DOCK3: variants seen among roughly 807,000 people sequenced by gnomAD.
DOCK3 encodes dedicator of cytokinesis protein 3.
A neutral mutation model predicts 265.6 loss-of-function variants in DOCK3; 60 were observed. That is an observed-to-expected ratio of 0.23 (90% confidence interval 0.18 to 0.28). The LOEUF is 0.28. Ranked by LOEUF, DOCK3 falls within the 10% of genes least tolerant of loss-of-function variation. The pLI, the probability that DOCK3 is intolerant of heterozygous loss-of-function variation, is 1.00. For synonymous variants in DOCK3, 881 were observed against 938.0 expected (o/e 0.94, Z 1.11); for missense variants, 1,981 against 2,594.3 (o/e 0.76, Z 5.14).
intron 1 of DOCK3, among the ~76,000 whole-genome samples, chr3:50,706,190 A>G (rs975118025): frequency 1.2e-4 from 19 of 152,134 alleles, no homozygotes; most frequent in African/African-American, 4.1e-4. Context: ...CCTTTCCTTT[A>G]TAAACTACCC....
Position 51,227,372 on chromosome 3 carries a change from A to G in DOCK3, c.1467A>G (p.Glu489=), listed in dbSNP as rs1560242166. ...ACAGTAATAGTCCTCGCTGGGGAGA[A>G]ATTATCAAATTGCCTATCCCCATTG... ...LYHSNSPRWG[E]IIKLPIPIDR... Residue 489 remains glutamate (E), a synonymous_variant, in exon 16 of 53, where the codon GAA becomes GAG. Coordinates refer to ENST00000266037, the MANE Select transcript of DOCK3 (RefSeq NM_004947.5). The G allele has an allele frequency of 6.2e-7, 1 of 1,613,920 alleles. No individual in the cohort carries two copies. Among genetic ancestry groups the G allele is most frequent in the Admixed American group, 1.7e-5 (1 of 60,016 alleles).
At chr3:50,921,480 G>A (rs1433037288) in intron 4 of DOCK3, among the ~76,000 whole-genome samples, 1 of 152,096 alleles carries the variant, frequency 6.6e-6, no homozygotes, top group Non-Finnish European at 1.5e-5. Context: ...TAGCTTCTTT[G>A]CGATGCGTTT....
At chr3:51,308,429 C>T (rs1657707871) in intron 27 of DOCK3, among the ~76,000 whole-genome samples, 1 of 151,568 alleles carries the variant, frequency 6.6e-6, no homozygotes, top group Non-Finnish European at 1.5e-5. Context: ...TCTTAACGAG[C>T]ATGCTGCCTT....
intron 22 of DOCK3, among the ~76,000 whole-genome samples, chr3:51,259,016 T>G (rs2079705618): frequency 6.6e-6 from 1 of 152,196 alleles, no homozygotes; most frequent in Non-Finnish European, 1.5e-5. Flanking sequence ...GAGTCCAGCC[T>G]GCAAGTGTCT....
At chr3:51,149,137 CTCTG>C (rs1193836688) in intron 10 of DOCK3, among the ~76,000 whole-genome samples, 7 of 151,954 alleles carry the variant, frequency 4.6e-5, no homozygotes, top group African/African-American at 1.2e-4. Flanking sequence ...TGATTTGGCT[CTCTG>C]TCTGTTATTG....
chr3:51,340,378 G>A (rs1383345748), intron 37 of DOCK3, among the ~76,000 whole-genome samples: 5 of 152,218 alleles, frequency 3.3e-5, no homozygotes, highest in African/African-American at 9.7e-5. Context: ...ATGAGGAGGC[G>A]TGTACATTCC....
intron 7 of DOCK3, among the ~76,000 whole-genome samples, chr3:51,076,040 T>C (rs1387660628): frequency 2.6e-5 from 4 of 152,224 alleles, no homozygotes; most frequent in Admixed American, 2.0e-4. Context: ...TTGAAGAGTA[T>C]GTATTTGATG....
rs760304529 is a variant in DOCK3 at position 51,357,165 on chromosome 3, C to G, written c.4683+24C>G. 1.9e-6 allele frequency: 3 copies of G among 1,600,228 alleles called. No individual in the cohort carries two copies. The East Asian group carries it at 6.7e-5, about 36-fold the overall frequency. ...AGGTAAGCTGTGGCCACAGGCCAAA[C>G]CCATGCAGCCAGCCTGGCCAGGAAG... On this transcript the variant is annotated intron_variant, in intron 44 of 52. Transcript: ENST00000266037.
chr3:50,698,349 C>T lies in DOCK3; in HGVS notation c.37+23049C>T, dbSNP rs1025442001. ...ATCCATGTTTTAGCATATATCAATA[C>T]GTCATTCCTTTTTATGGCTGAATAA... On this transcript the variant is annotated intron_variant, in intron 1 of 52. Transcript: ENST00000266037. Among the ~76,000 whole-genome samples, 42 of 151,878 alleles carry T rather than the reference C, an allele frequency of 2.8e-4. 1 individual carries two copies. The highest frequency in any genetic ancestry group is 2.4e-3 in the Admixed American group (36 of 15,238).
intron 40 of DOCK3, among the ~76,000 whole-genome samples, chr3:51,354,573 A>T (rs1180113401): frequency 2.0e-5 from 3 of 152,066 alleles, no homozygotes; most frequent in Admixed American, 1.3e-4. Flanking sequence ...ACCTTTCAGG[A>T]CGTTTTTTTA....
intron 9 of DOCK3, among the ~76,000 whole-genome samples, chr3:51,130,907 G>A (rs1447381319): frequency 6.6e-6 from 1 of 152,040 alleles, no homozygotes; most frequent in Non-Finnish European, 1.5e-5. Context: ...GGGGTTTCAC[G>A]GTGTTGCCCA....
intron 2 of DOCK3, among the ~76,000 whole-genome samples, chr3:50,830,421 A>G (rs2045070940): frequency 6.6e-6 from 1 of 152,206 alleles, no homozygotes. Context: ...TTAGCCAGGT[A>G]TTGGGTATAA....
At chr3:50,714,101 TC>T (rs1428674654) in intron 1 of DOCK3, among the ~76,000 whole-genome samples, 2 of 152,152 alleles carry the variant, frequency 1.3e-5, no homozygotes, top group African/African-American at 4.8e-5. Context: ...GTTATGTGAT[TC>T]CTCCTGCCCC....
chr3:51,181,865 G>T (rs1560172569), intron 12 of DOCK3, among the ~76,000 whole-genome samples: 1 of 152,160 alleles, frequency 6.6e-6, no homozygotes, highest in Non-Finnish European at 1.5e-5. Flanking sequence ...GGCACCCCGT[G>T]GGGTGTCTAA....
intron 2 of DOCK3, among the ~76,000 whole-genome samples, chr3:50,821,045 G>C (rs753039165): frequency 8.0e-5 from 12 of 150,796 alleles, no homozygotes; most frequent in Non-Finnish European, 1.8e-4. Flanking sequence ...CTGGATATTA[G>C]TCCTTTGTCA....
chr3:51,298,566 C>T (rs965390827), intron 27 of DOCK3, among the ~76,000 whole-genome samples: 2 of 152,146 alleles, frequency 1.3e-5, no homozygotes, highest in South Asian at 2.1e-4. Context: ...TCCCTCCCCC[C>T]ACCTCAATCC....
At chr3:51,114,192 A>G (rs550278704) in intron 9 of DOCK3, among the ~76,000 whole-genome samples, 7 of 152,368 alleles carry the variant, frequency 4.6e-5, no homozygotes, top group African/African-American at 1.7e-4. Flanking sequence ...TTAGCAATCA[A>G]TGATTGTTGA....
chr3:51,163,318 C>T (rs1413500427), intron 12 of DOCK3, among the ~76,000 whole-genome samples: 2 of 151,932 alleles, frequency 1.3e-5, no homozygotes, highest in Non-Finnish European at 2.9e-5. Context: ...AAACTCCTGT[C>T]TGTCTCTGCC....
chr3:51,045,011 TG>T (rs2080712459), intron 5 of DOCK3, among the ~76,000 whole-genome samples: 2 of 152,312 alleles, frequency 1.3e-5, no homozygotes, highest in South Asian at 4.1e-4. Flanking sequence ...ATCATTTTTG[TG>T]TTCACTGGAG....
Sources: allele counts gnomAD v4.1 joint callset (sites outside exome capture counted in the v4.1 genomes callset), GRCh38; gene constraint gnomAD v4.1.1; transcripts MANE v1.5; gene names NCBI Gene and HGNC (gene_info 2026-07-23, HGNC 2026-07-21).